CASK: variants seen among roughly 807,000 people sequenced by gnomAD.
CASK encodes calcium/calmodulin dependent serine protein kinase.
In CASK, 4 loss-of-function variants were observed where a neutral mutation model predicts 82.9. That is an observed-to-expected ratio of 0.05 (90% CI 0.02 to 0.11). CASK has a LOEUF of 0.11. Ranked by LOEUF, CASK falls within the 10% of genes least tolerant of loss-of-function variation. CASK has a pLI of 1.00. For missense variants in CASK, 358 were observed against 720.9 expected (o/e 0.50, Z 5.76); for synonymous variants, 259 against 253.5 (o/e 1.02, Z -0.20).
rs908421742 is a variant in CASK, at chrX:41,553,993, C to A, written c.1843-78G>T. The A allele has an allele frequency of 1.3e-5, 9 of 699,869 alleles. No individual in the cohort carries two copies. The African/African-American group carries it at 1.7e-4, about 13-fold the overall frequency. The allele number at this position is 699,869 out of a possible 1,213,427, so 57.7% of individuals were successfully genotyped here. ...TTAGCTCTAATGTCATAACCACACA[C>A]CAACAGTTACAATACAAACAGGACA... is the stretch of plus-strand genomic sequence containing the variant. On this transcript the variant is annotated intron_variant, in intron 20 of 26. Transcript: ENST00000378163.
At chrX:41,866,475 C>G (rs2071593760) in intron 1 of CASK, among the ~76,000 whole-genome samples, 1 of 112,133 alleles carries the variant, frequency 8.9e-6, no homozygotes, top group African/African-American at 3.2e-5. Flanking sequence ...TCCTGAGGTT[C>G]CAAGCTACTC....
chrX:41,893,153 C>T (rs1196848491), intron 1 of CASK, among the ~76,000 whole-genome samples: 2 of 111,838 alleles, frequency 1.8e-5, no homozygotes, highest in African/African-American at 3.3e-5. Flanking sequence ...TCTGGAATGG[C>T]GGAGTGAGGA....
chrX:41,743,925 T>C (rs1223021639), intron 4 of CASK, among the ~76,000 whole-genome samples: 3 of 110,516 alleles, frequency 2.7e-5, no homozygotes, highest in African/African-American at 9.9e-5. Flanking sequence ...CTGGCCAACA[T>C]GGTGAAACCC....
intron 1 of CASK, among the ~76,000 whole-genome samples, chrX:41,871,651 T>C (rs1056780348): frequency 1.8e-5 from 2 of 112,239 alleles, no homozygotes; most frequent in African/African-American, 6.5e-5. Flanking sequence ...ATTAGAAATT[T>C]CATTGCAAAG....
At chrX:41,871,923 C>T (rs1244237234) in intron 1 of CASK, among the ~76,000 whole-genome samples, 1 of 112,082 alleles carries the variant, frequency 8.9e-6, no homozygotes, top group African/African-American at 3.2e-5. Context: ...CAATATTATT[C>T]TATCTTGCTC....
At chrX:41,837,850 T>C (rs1056373824) in intron 2 of CASK, among the ~76,000 whole-genome samples, 2 of 112,154 alleles carry the variant, frequency 1.8e-5, no homozygotes, top group Non-Finnish European at 3.8e-5. Flanking sequence ...CCTTAGGATG[T>C]ACATTTCCCA....
chrX:41,599,064 G>T (rs2065861608), intron 12 of CASK, among the ~76,000 whole-genome samples: 1 of 111,591 alleles, frequency 9.0e-6, no homozygotes, highest in Non-Finnish European at 1.9e-5. Flanking sequence ...CAAGGAGCAA[G>T]AGTTCCACCC....
At chrX:41,869,628 C>G (rs2071657426) in intron 1 of CASK, among the ~76,000 whole-genome samples, 1 of 107,904 alleles carries the variant, frequency 9.3e-6, no homozygotes, top group Non-Finnish European at 1.9e-5. Flanking sequence ...GCCTGGCCAA[C>G]ATGGTGAATC....
intron 5 of CASK, among the ~76,000 whole-genome samples, chrX:41,713,231 G>A: frequency 8.9e-6 from 1 of 112,102 alleles, no homozygotes; most frequent in Non-Finnish European, 1.9e-5. Flanking sequence ...AGGGTATACT[G>A]TGAAGGAACT....
chrX:41,910,777 C>G (rs2072548672), intron 1 of CASK, among the ~76,000 whole-genome samples: 1 of 112,104 alleles, frequency 8.9e-6, no homozygotes, highest in South Asian at 3.7e-4. Flanking sequence ...AGAATGCTCC[C>G]TCTCCAGATA....
intron 5 of CASK, among the ~76,000 whole-genome samples, chrX:41,686,753 T>C (rs190396508): frequency 2.7e-5 from 3 of 112,074 alleles, no homozygotes; most frequent in African/African-American, 9.7e-5. Context: ...GGTTCAGGCC[T>C]GGAGTAGGTG....
chrX:41,805,768 A>G (rs2070108038), intron 2 of CASK, among the ~76,000 whole-genome samples: 1 of 111,489 alleles, frequency 9.0e-6, no homozygotes, highest in Admixed American at 9.5e-5. Context: ...ACTGGAGGAC[A>G]GGCAAAGAAA....
rs1211277947 is a variant in CASK at position 41,775,006 on chromosome X, A to G, written c.278+12172T>C. The stretch of plus-strand genomic sequence containing the variant: ...CTTCATGTCTAAAACACCAAAAGCA[A>G]TGGCAACCAAAGCCAAAATTGACAA... On this transcript the variant is annotated intron_variant, in intron 3 of 26. Transcript: ENST00000378163. Among the ~76,000 whole-genome samples the G allele has an allele frequency of 1.6e-4, 18 of 111,196 alleles. 1 individual carries two copies. Among genetic ancestry groups the G allele is most frequent in the Middle Eastern group, 4.6e-3 (1 of 219 alleles).
chrX:41,569,349 T>G (rs764654890), intron 16 of CASK, among the ~76,000 whole-genome samples: 2 of 111,906 alleles, frequency 1.8e-5, no homozygotes, highest in Non-Finnish European at 3.8e-5. Context: ...AACTCTAATA[T>G]ATTCTCCCTT....
chrX:41,528,596 A>G (rs1232643420), intron 25 of CASK, among the ~76,000 whole-genome samples: 1 of 112,445 alleles, frequency 8.9e-6, no homozygotes, highest in Non-Finnish European at 1.9e-5. Context: ...CATCCTCACC[A>G]TCTTGTCTTC....
intron 3 of CASK, among the ~76,000 whole-genome samples, chrX:41,757,779 CGT>C (rs1381257452): frequency 8.9e-6 from 1 of 112,061 alleles, no homozygotes; most frequent in East Asian, 2.8e-4. Flanking sequence ...GGATTACAGG[CGT>C]GAGCCACTGC....
At chrX:41,909,716 C>T (rs994874049) in intron 1 of CASK, among the ~76,000 whole-genome samples, 18 of 110,609 alleles carry the variant, frequency 1.6e-4, no homozygotes, top group African/African-American at 5.3e-4. Context: ...ACTATTCTCC[C>T]GCCTCAGCCT....
chrX:41,640,881 T>G (rs760499052), intron 8 of CASK, among the ~76,000 whole-genome samples: 3 of 111,474 alleles, frequency 2.7e-5, no homozygotes, highest in Admixed American at 9.6e-5. Context: ...CAAAATGTAT[T>G]TTTTTAAATA....
rs12834578 is a variant in CASK, at chrX:41,715,937, A to G, written c.429+23447T>C. 2.5e-3 allele frequency among the ~76,000 whole-genome samples: 283 copies of G among 112,157 alleles called. 4 individuals carry two copies. Among genetic ancestry groups the G allele is most frequent in the African/African-American group, 8.7e-3 (267 of 30,851 alleles). On this transcript the variant is annotated intron_variant, in intron 5 of 26. Coordinates refer to ENST00000378163, the MANE Select transcript of CASK (RefSeq NM_001367721.1). ...ATGCTGGTAGCCCTGGGAGGCCACA[A>G]ATGGGTTTTGACAGGAGTAGACACT...
Sources: gnomAD v4.1 joint callset for allele counts (sites outside exome capture counted in the v4.1 genomes callset) on GRCh38, gnomAD v4.1.1 for gene constraint, MANE v1.5 for transcripts, NCBI Gene and HGNC (gene_info 2026-07-23, HGNC 2026-07-21) for gene names.